PTK7: variants seen among roughly 807,000 people sequenced by gnomAD.
PTK7 encodes the protein protein tyrosine kinase 7 (inactive).
In PTK7, 39 loss-of-function variants were observed where a neutral mutation model predicts 116.6. That is an observed-to-expected ratio of 0.33 (90% confidence interval 0.26 to 0.44). The LOEUF (loss-of-function observed/expected upper bound fraction) is 0.44. PTK7 is among the 20% of genes least tolerant of loss of function. PTK7 has a pLI of 1.00. For synonymous variants in PTK7, 546 were observed against 563.6 expected (o/e 0.97, Z 0.44); for missense variants, 1,169 against 1,425.6 (o/e 0.82, Z 2.90).
chr6:43,106,585 C>A (rs1767898994), intron 1 of PTK7, among the ~76,000 whole-genome samples: 1 of 151,736 alleles, frequency 6.6e-6, no homozygotes, highest in Non-Finnish European at 1.5e-5. Flanking sequence ...AGGCATGAGC[C>A]ACCACACCCG....
In PTK7 at chr6:43,143,409, T is replaced by A; in HGVS notation, c.2048-8T>A. On this transcript the variant is annotated splice_region_variant and splice_polypyrimidine_tract_variant and intron_variant, in intron 13 of 19. Coordinates refer to ENST00000230419, the MANE Select transcript of PTK7 (RefSeq NM_002821.5). The surrounding 1 kb of genome is among the most constrained non-coding windows in gnomAD (Gnocchi z 4.2). ...GCCCCTGCCCAGACCCATCTGTGTGTCTCTCAGACAAGCCTGTGCCGGAGG... is the reference window on the plus strand; with the variant it reads ...GCCCCTGCCCAGACCCATCTGTGTGACTCTCAGACAAGCCTGTGCCGGAGG... 6.2e-7 allele frequency: 1 copy of A among 1,613,070 alleles called. No homozygotes were observed. The highest frequency in any genetic ancestry group is 8.5e-7 in the Non-Finnish European group (1 of 1,179,744).
rs1419710171 is a variant in PTK7, at chr6:43,159,982, G to T, written c.3052+16G>T. 61 of 1,607,774 alleles carry T rather than the reference G, an allele frequency of 3.8e-5. No individual in the cohort carries two copies. The East Asian group carries it at 1.3e-3, about 35-fold the overall frequency. On this transcript the variant is annotated intron_variant, in intron 19 of 19. Transcript: ENST00000230419. Reference sequence around the variant, plus strand: ...GTACTGGCAGGTAGGCAGCCTTGCTGCTAGGGGATGATTCCAGATGGGCCC... The same window carrying T: ...GTACTGGCAGGTAGGCAGCCTTGCTTCTAGGGGATGATTCCAGATGGGCCC...
intron 7 of PTK7, chr6:43,133,273 A>C: frequency 6.3e-6 from 1 of 158,096 alleles, no homozygotes; most frequent in Admixed American, 6.2e-5. Flanking sequence ...GAAAGTACAC[A>C]TGATAAACCC....
intron 7 of PTK7, among the ~76,000 whole-genome samples, chr6:43,137,636 A>C (rs1485103849): frequency 6.6e-6 from 1 of 152,206 alleles, no homozygotes; most frequent in African/African-American, 2.4e-5. Context: ...GGACTGGATG[A>C]GTGAGTGTTG....
At chr6:43,109,738 AC>A (rs1234402987) in intron 1 of PTK7, among the ~76,000 whole-genome samples, 1 of 146,812 alleles carries the variant, frequency 6.8e-6, no homozygotes, top group Non-Finnish European at 1.5e-5. Context: ...TTGCTCTGTC[AC>A]CCAGGCAGGA....
chr6:43,115,662 G>A (rs1051750153), intron 1 of PTK7, among the ~76,000 whole-genome samples: 4 of 151,790 alleles, frequency 2.6e-5, no homozygotes, highest in Non-Finnish European at 4.4e-5. Flanking sequence ...GGGGCTGGGC[G>A]GGGTGGCTCA....
chr6:43,106,739 G>T (rs929010041), intron 1 of PTK7, among the ~76,000 whole-genome samples: 1 of 131,306 alleles, frequency 7.6e-6, no homozygotes, highest in Non-Finnish European at 1.6e-5. Context: ...TGGCAACCTC[G>T]GCCTCCCAAG....
At chr6:43,144,368 A>G (rs1770600136) in intron 14 of PTK7, 83 bp from the exon 15 acceptor site, 4 of 1,560,856 alleles carry the variant, frequency 2.6e-6, no homozygotes, top group Non-Finnish European at 3.5e-6. Context: ...GCAAGAGTGG[A>G]AGACCAGGGG....
Position 43,145,033 on chromosome 6 carries a change from C to T in PTK7, c.2408-167C>T. 1.9e-6 allele frequency: 1 copy of T among 536,664 alleles called. No homozygotes were observed. 33.2% of individuals were successfully genotyped at this position (536,664 alleles called of 1,614,324 possible). The stretch of plus-strand genomic sequence containing the variant: ...TTAGTCCCACCCTTTTATTTTGTTG[C>T]TGCAGACACTGAAGCCTAAGGAGGG... On this transcript the variant is annotated intron_variant, in intron 15 of 19. Transcript: ENST00000230419. This position sits in a 1 kb window ranked among gnomAD's most constrained non-coding sequence, Gnocchi z 4.8.
Position 43,144,620 on chromosome 6 carries a change from A to G in PTK7, c.2407+14A>G. On this transcript the variant is annotated intron_variant, in intron 15 of 19. Coordinates refer to ENST00000230419, the MANE Select transcript of PTK7 (RefSeq NM_002821.5). Reference sequence around the variant, plus strand: ...TCACCACGCTGGGTATGTTGCCTTGACTACAGCTGCCCCTGCCTAACTACA... The same window carrying G: ...TCACCACGCTGGGTATGTTGCCTTGGCTACAGCTGCCCCTGCCTAACTACA... 6.3e-7 allele frequency: 1 copy of G among 1,598,248 alleles called. No individual in the cohort carries two copies. Among genetic ancestry groups the G allele is most frequent in the South Asian group, 1.1e-5 (1 of 89,180 alleles).
At chr6:43,133,841 G>A (rs2150436512) in intron 7 of PTK7, 1 of 152,326 alleles carries the variant, frequency 6.6e-6, no homozygotes, top group Admixed American at 6.5e-5. Context: ...TAAATGTGAA[G>A]TTGTGATGCT....
Position 43,076,661 on chromosome 6 carries a change from G to A in PTK7, c.79+94G>A, listed in dbSNP as rs1041856368. The A allele has an allele frequency of 1.4e-5, 20 of 1,447,884 alleles. No homozygotes were observed. In the Admixed American group the frequency reaches 3.1e-4, roughly 23 times the overall value. The allele number at this position is 1,447,884 out of a possible 1,614,324, so 89.7% of individuals were successfully genotyped here. On this transcript the variant is annotated intron_variant, in intron 1 of 19. Transcript: ENST00000230419. This position sits in a 1 kb window ranked among gnomAD's most constrained non-coding sequence, Gnocchi z 5.7. ...CCGGGGCGGTGGGTTTGGGCGGCTG[G>A]AACGGCCCTGGAGTAGTGGAGAGGC...
chr6:43,124,673 C>T (rs1769175801), intron 1 of PTK7, among the ~76,000 whole-genome samples: 1 of 151,738 alleles, frequency 6.6e-6, no homozygotes, highest in Non-Finnish European at 1.5e-5. Flanking sequence ...GAGACCCTAT[C>T]TCAAAAATAG....
intron 16 of PTK7, 67 bp from the exon 17 acceptor site, chr6:43,146,551 T>C (rs899359912): frequency 6.1e-6 from 9 of 1,471,482 alleles, no homozygotes; most frequent in South Asian, 1.1e-5. Context: ...GAGCACCTGC[T>C]TGGTCTGAGG....
intron 1 of PTK7, among the ~76,000 whole-genome samples, chr6:43,091,446 C>T (rs369881501): frequency 5.3e-5 from 8 of 152,206 alleles, no homozygotes; most frequent in African/African-American, 1.7e-4. Flanking sequence ...GGATTACAGG[C>T]GTGAGCCACT....
chr6:43,094,327 G>T (rs1471411004), intron 1 of PTK7, among the ~76,000 whole-genome samples: 2 of 152,084 alleles, frequency 1.3e-5, no homozygotes, highest in Non-Finnish European at 2.9e-5. Flanking sequence ...CTTCAGTCAC[G>T]TTGTAACTTC....
At position 43,118,302 on chromosome 6, in the gene PTK7, C is replaced by T. The variant is rs1364929789; in HGVS notation, c.80-10675C>T. Among the ~76,000 whole-genome samples the T allele has an allele frequency of 3.3e-5, 5 of 151,682 alleles. No individual in the cohort carries two copies. The East Asian group carries it at 5.8e-4, about 18-fold the overall frequency. On this transcript the variant is annotated intron_variant, in intron 1 of 19. Transcript: ENST00000230419. ...CTGTAATCCCAGTACTTTGGGAGGCCGAGGTGGGTGGATCACCTGAGGTCA... is the reference window on the plus strand; with the variant it reads ...CTGTAATCCCAGTACTTTGGGAGGCTGAGGTGGGTGGATCACCTGAGGTCA...
chr6:43,093,015 T>C (rs1385172561), intron 1 of PTK7, among the ~76,000 whole-genome samples: 1 of 152,126 alleles, frequency 6.6e-6, no homozygotes, highest in African/African-American at 2.4e-5. Context: ...GCATAAAGCA[T>C]CATGCTAAGT....
intron 7 of PTK7, among the ~76,000 whole-genome samples, chr6:43,135,933 T>C (rs1246145563): frequency 6.6e-6 from 1 of 151,852 alleles, no homozygotes; most frequent in African/African-American, 2.4e-5. Flanking sequence ...TCACGCCTTG[T>C]AATCCCAGCA....
Sources: allele counts gnomAD v4.1 joint callset (sites outside exome capture counted in the v4.1 genomes callset), GRCh38; gene constraint gnomAD v4.1.1; non-coding constraint Gnocchi (gnomAD v3.1); transcripts MANE v1.5; gene names NCBI Gene and HGNC (gene_info 2026-07-23, HGNC 2026-07-21).